The following P2RX3 variants were observed in gnomAD, a reference collection of about 807,000 sequenced individuals.
The protein encoded by P2RX3 is P2X purinoceptor 3.
P2RX3 carries 41 observed loss-of-function variants against 51.5 expected under a neutral mutation model. The observed-to-expected ratio is 0.80, with a 90% confidence interval of 0.62 to 1.03. P2RX3 has a LOEUF of 1.03. Ranked by LOEUF, P2RX3 falls within the 50% of genes least tolerant of loss-of-function variation. The probability of loss-of-function intolerance (pLI) is 0.00; values close to 1 mark genes in which losing one functional copy is unlikely to be tolerated. For synonymous variants in P2RX3, 185 were observed against 191.6 expected, an observed-to-expected ratio of 0.97 and a Z score of 0.29; for missense variants, 459 against 522.1, an observed-to-expected ratio of 0.88 and a Z score of 1.18.
At position 57,349,431 on chromosome 11, in the gene P2RX3, G is replaced by A. The variant is rs113769984; in HGVS notation, c.564-326G>A. On this transcript the variant is annotated intron_variant, in intron 6 of 11. Transcript: ENST00000263314. ...CAGTGAGCCGAGATCATGCCACCGC[G>A]CTCCAGCCTGGGCAACAGACCGAGA... Among the ~76,000 whole-genome samples the A allele has an allele frequency of 7.7e-3, 1,161 of 151,514 alleles. 19 individuals carry two copies. The highest frequency in any genetic ancestry group is 0.027 in the African/African-American group (1,122 of 41,232).
chr11:57,366,874 T>TAATCCATGAATGGATTAATCCATC (rs1856805457), intron 8 of P2RX3, among the ~76,000 whole-genome samples: 4 of 152,062 alleles, frequency 2.6e-5, no homozygotes, highest in African/African-American at 4.8e-5. Context: ...ATTAATCCAT[T>TAATCCATGAATGGATTAATCCATC]AATCCATGAA....
rs1008756291 is a variant in P2RX3 at position 57,366,395 on chromosome 11, G to A, written c.843-1614G>A. Among the ~76,000 whole-genome samples, 4 of 152,124 alleles carry A rather than the reference G, an allele frequency of 2.6e-5. 1 individual carries two copies. The highest frequency in any genetic ancestry group is 1.3e-4 in the Admixed American group (2 of 15,274). On this transcript the variant is annotated intron_variant, in intron 8 of 11. Coordinates refer to ENST00000263314, the MANE Select transcript of P2RX3 (RefSeq NM_002559.5). ...CCCCTGTTTGTGGTGAGAATGAAAT[G>A]GGATCATTTTCCTGAGTCCCCGGCA...
upstream of P2RX3, among the ~76,000 whole-genome samples, chr11:57,337,712 C>A (rs1324207249): frequency 6.6e-6 from 1 of 152,138 alleles, no homozygotes; most frequent in Non-Finnish European, 1.5e-5. Flanking sequence ...AGGAGATATA[C>A]CTAATGTAAA....
upstream of P2RX3, among the ~76,000 whole-genome samples, chr11:57,336,186 A>G (rs1011950399): frequency 6.6e-6 from 1 of 152,086 alleles, no homozygotes; most frequent in African/African-American, 2.4e-5. Context: ...AATAGTTTCT[A>G]TGTCATGGAA....
At chr11:57,356,556 C>T (rs922129392) in intron 8 of P2RX3, among the ~76,000 whole-genome samples, 1 of 152,214 alleles carries the variant, frequency 6.6e-6, no homozygotes, top group Non-Finnish European at 1.5e-5. Context: ...CCCACAGCAG[C>T]TTTCATGAAG....
chr11:57,354,897 G>A (rs374031422), intron 8 of P2RX3, among the ~76,000 whole-genome samples: 3 of 152,162 alleles, frequency 2.0e-5, no homozygotes, highest in Non-Finnish European at 4.4e-5. Context: ...CAGGGTGTAC[G>A]GAAACCACAC....
Position 57,361,030 on chromosome 11 carries a change from C to T in P2RX3, c.843-6979C>T, listed in dbSNP as rs915772567. Among the ~76,000 whole-genome samples, 5 of 152,076 alleles carry T rather than the reference C, an allele frequency of 3.3e-5. No homozygotes were observed. In the East Asian group the frequency reaches 9.7e-4, roughly 29 times the overall value. On this transcript the variant is annotated intron_variant, in intron 8 of 11. Transcript: ENST00000263314. ...CTCCAGGATGGTCAATTTCAAGCTA[C>T]CAAGGTGAAGTCACTAAACATGGAA...
At chr11:57,340,278 C>T (rs984299188) in intron 1 of P2RX3, among the ~76,000 whole-genome samples, 1 of 152,184 alleles carries the variant, frequency 6.6e-6, no homozygotes, top group South Asian at 2.1e-4. Flanking sequence ...TAGACCAGCC[C>T]GCTCAGCCCC....
intron 8 of P2RX3, among the ~76,000 whole-genome samples, chr11:57,357,780 G>GC (rs1339438601): frequency 6.6e-6 from 1 of 152,060 alleles, no homozygotes; most frequent in Non-Finnish European, 1.5e-5. Flanking sequence ...TAAGGATGTT[G>GC]CCCCACCCTG....
At chr11:57,350,014 G>T in intron 7 of P2RX3, 116 bp downstream of exon 7, 1 of 1,462,428 alleles carries the variant, frequency 6.8e-7, no homozygotes. Flanking sequence ...GCGCCACCTG[G>T]TGGAAGCATC....
intron 8 of P2RX3, among the ~76,000 whole-genome samples, chr11:57,364,795 G>C (rs1205262106): frequency 6.6e-6 from 1 of 152,008 alleles, no homozygotes; most frequent in East Asian, 1.9e-4. Context: ...TTTAAAGCTG[G>C]TTTAGCCCCT....
intron 6 of P2RX3, among the ~76,000 whole-genome samples, 154 bp downstream of exon 6, chr11:57,348,858 C>T (rs761920968): frequency 2.0e-5 from 3 of 152,192 alleles, no homozygotes; most frequent in Admixed American, 1.3e-4. Context: ...AATCTCCCAG[C>T]GGGCCTTGGC....
chr11:57,354,539 G>A (rs1273650906), intron 8 of P2RX3, among the ~76,000 whole-genome samples: 1 of 152,172 alleles, frequency 6.6e-6, no homozygotes, highest in African/African-American at 2.4e-5. Context: ...TCTCTTCTCT[G>A]TTGGCAAGGT....
intron 8 of P2RX3, among the ~76,000 whole-genome samples, chr11:57,365,153 G>A (rs935997002): frequency 1.3e-5 from 2 of 152,230 alleles, no homozygotes; most frequent in Non-Finnish European, 2.9e-5. Flanking sequence ...CTAGGACTGA[G>A]CTTGCTCCTC....
Position 57,368,255 on chromosome 11 carries a change from G to A in P2RX3, c.937-117G>A, listed in dbSNP as rs549059102. On this transcript the variant is annotated intron_variant, in intron 9 of 11. Coordinates refer to ENST00000263314, the MANE Select transcript of P2RX3 (RefSeq NM_002559.5). ...ACTCTCCCATCAATTCACCTGTCCC[G>A]TGAAGGGGAGGGATCTGCTGATCCA... The A allele has an allele frequency of 1.9e-4, 256 of 1,342,734 alleles. 2 individuals carry two copies. In the South Asian group the frequency reaches 2.3e-3, roughly 12 times the overall value. 83.2% of individuals were successfully genotyped at this position (1,342,734 alleles called of 1,614,324 possible).
intron 9 of P2RX3, 92 bp downstream of exon 9, chr11:57,368,194 T>C (rs1590643719): frequency 1.4e-6 from 2 of 1,411,272 alleles, no homozygotes; most frequent in African/African-American, 1.4e-5. Context: ...GGGGCAGGGG[T>C]CTGCTGCTGG....
Position 57,368,018 on chromosome 11 carries a change from G to C in P2RX3, c.852G>C (p.Lys284Asn). 1 of 1,614,102 alleles carries C rather than the reference G, an allele frequency of 6.2e-7. No individual in the cohort carries two copies. The part of the protein sequence containing the change: ...VSPGYNFRFA[K>N]YYKMENGSEY... ...TGCCTCTGACCTCCAGGTTTGCCAA[G>C]TACTACAAAATGGAAAATGGCAGTG... Residue 284 changes from lysine to asparagine, a missense_variant, in exon 9 of 12, where the codon AAG becomes AAC. Coordinates refer to ENST00000263314, the MANE Select transcript of P2RX3 (RefSeq NM_002559.5).
chr11:57,353,121 G>A (rs902774280), intron 8 of P2RX3, among the ~76,000 whole-genome samples: 10 of 152,226 alleles, frequency 6.6e-5, no homozygotes, highest in African/African-American at 2.4e-4. Context: ...CGTGTGGGAG[G>A]CTGCAAAGCT....
In P2RX3 at chr11:57,372,002, A is replaced by G. The variant is rs1856895298; in HGVS notation, c.*2005A>G. The stretch of plus-strand genomic sequence containing the variant: ...GTGAGCCTGAGGTTGTCCTCCGCAT[A>G]TCTGAACTAAGTTACCACTTCTGTG... On this transcript the variant is annotated 3_prime_UTR_variant, in exon 12 of 12. Transcript: ENST00000263314. Among the ~76,000 whole-genome samples, 1 of 151,896 alleles carries G rather than the reference A, an allele frequency of 6.6e-6. No individual in the cohort carries two copies. Among genetic ancestry groups the G allele is most frequent in the Non-Finnish European group, 1.5e-5 (1 of 68,008 alleles).
Sources: gnomAD v4.1 joint callset for allele counts (sites outside exome capture counted in the v4.1 genomes callset) on GRCh38, gnomAD v4.1.1 for gene constraint, MANE v1.5 for transcripts, NCBI Gene and HGNC (gene_info 2026-07-23, HGNC 2026-07-21) for gene names.